The following CADPS variants were observed in gnomAD, a reference collection of about 807,000 sequenced individuals.
CADPS encodes calcium-dependent secretion activator 1.
Under a neutral mutation model 167.3 loss-of-function variants are expected in CADPS, and 57 were observed. The ratio of observed to expected loss-of-function variants is 0.34; its 90% confidence interval spans 0.28 to 0.42. The LOEUF is 0.42. Among genes scored for constraint, CADPS ranks in the 20% least tolerant of loss-of-function variants. CADPS has a pLI of 1.00. For synonymous variants in CADPS, 676 were observed against 635.3 expected (o/e 1.06, Z -0.96); for missense variants, 1,414 against 1,738.1 (o/e 0.81, Z 3.32).
rs538502064 is a variant in CADPS at position 62,865,274 on chromosome 3, A to G, written c.441+9315T>C. ...CCTTTGCTTTCTTAAGAGGCATAGT[A>G]GATTCTCTGGACCACTTGGCATGTT... On this transcript the variant is annotated intron_variant, in intron 1 of 29. Coordinates refer to ENST00000383710, the MANE Select transcript of CADPS (RefSeq NM_003716.4). 4.0e-5 allele frequency among the ~76,000 whole-genome samples: 6 copies of G among 151,846 alleles called. No individual in the cohort carries two copies. The East Asian group carries it at 1.2e-3, about 30-fold the overall frequency.
intron 4 of CADPS, among the ~76,000 whole-genome samples, chr3:62,661,422 G>A (rs1213299950): frequency 1.3e-5 from 2 of 152,120 alleles, no homozygotes; most frequent in Admixed American, 6.6e-5. Context: ...GACACCAGTG[G>A]GTATAAAGAC....
At chr3:62,491,909 A>C (rs1438790495) in intron 20 of CADPS, among the ~76,000 whole-genome samples, 1 of 152,146 alleles carries the variant, frequency 6.6e-6, no homozygotes, top group East Asian at 1.9e-4. Flanking sequence ...TTGTCACTAT[A>C]ACATACTCTG....
Position 62,585,367 on chromosome 3 carries a change from A to G in CADPS, c.1438-43T>C, listed in dbSNP as rs757880750. On this transcript the variant is annotated intron_variant, in intron 7 of 29. Transcript: ENST00000383710. The stretch of plus-strand genomic sequence containing the variant: ...CAAGCAACTAGAAAAGAGAAGCACC[A>G]TTATGTTTTTATAGATTAGAAACTT... The G allele has an allele frequency of 3.2e-6, 5 of 1,577,420 alleles. No individual in the cohort carries two copies. The South Asian group carries it at 3.5e-5, about 11-fold the overall frequency.
chr3:62,874,642 C>T lies in CADPS; in HGVS notation c.388G>A (p.Ala130Thr), dbSNP rs867074864. The T allele has an allele frequency of 1.3e-6, 2 of 1,560,004 alleles. No individual in the cohort carries two copies. The highest frequency in any genetic ancestry group is 1.7e-6 in the Non-Finnish European group (2 of 1,151,298). ...QLYVFVMRCIAYPFNAKQPTD... is the reference protein window; with the variant it reads ...QLYVFVMRCITYPFNAKQPTD... The stretch of plus-strand genomic sequence containing the variant: ...GGCTGCTTGGCATTAAAGGGGTAGG[C>T]GATGCAGCGCATCACGAACACATAC... Residue 130 changes from alanine (A) to threonine (T), a missense_variant, in exon 1 of 30, where the codon GCC becomes ACC. Around this residue, in one of 6 missense-constraint regions of CADPS, gnomAD observed 522 missense variants for 559.5 expected, o/e 0.93. Transcript: ENST00000383710. The surrounding 1 kb of genome is among the most constrained non-coding windows in gnomAD (Gnocchi z 7.1).
At chr3:62,748,894 G>C (rs1301851532) in intron 3 of CADPS, among the ~76,000 whole-genome samples, 1 of 152,058 alleles carries the variant, frequency 6.6e-6, no homozygotes. Context: ...TTCTTGTAGA[G>C]ATGGAGCCTA....
rs554570876 is a variant in CADPS, at chr3:62,621,005, A to G, written c.1325+24717T>C. 1.1e-4 allele frequency among the ~76,000 whole-genome samples: 17 copies of G among 152,276 alleles called. No individual in the cohort carries two copies. In the East Asian group the frequency reaches 1.5e-3, roughly 14 times the overall value. ...TGTGTAATGCTCTGGCAGTCATTTC[A>G]TCTGTAAAGTGAGAAGGTTGGACAG... On this transcript the variant is annotated intron_variant, in intron 6 of 29. Coordinates refer to ENST00000383710, the MANE Select transcript of CADPS (RefSeq NM_003716.4).
At chr3:62,823,732 A>C (rs1485608176) in intron 1 of CADPS, among the ~76,000 whole-genome samples, 2 of 152,208 alleles carry the variant, frequency 1.3e-5, no homozygotes. Flanking sequence ...ATTCCGGTGC[A>C]CTGAATGAGG....
At chr3:62,766,658 C>T (rs188366917) in intron 1 of CADPS, among the ~76,000 whole-genome samples, 16 of 152,106 alleles carry the variant, frequency 1.1e-4, no homozygotes, top group Non-Finnish European at 2.2e-4. Context: ...AATTTGGGTA[C>T]TAGGTTATGT....
In CADPS at chr3:62,826,807, A is replaced by T. The variant is rs371458716; in HGVS notation, c.441+47782T>A. ...GCACCCATCCTTAGGTTTGGTTGCT[A>T]GGTAACATGGTCACTCTGCTATTTA... On this transcript the variant is annotated intron_variant, in intron 1 of 29. Coordinates refer to ENST00000383710, the MANE Select transcript of CADPS (RefSeq NM_003716.4). Among the ~76,000 whole-genome samples the T allele has an allele frequency of 3.9e-5, 6 of 152,262 alleles. No individual in the cohort carries two copies. In the East Asian group the frequency reaches 5.8e-4, roughly 15 times the overall value.
At chr3:62,658,587 C>T (rs1223739651) in intron 4 of CADPS, among the ~76,000 whole-genome samples, 1 of 152,052 alleles carries the variant, frequency 6.6e-6, no homozygotes, top group African/African-American at 2.4e-5. Flanking sequence ...GGGTTAGATT[C>T]TCAGATGTAA....
At chr3:62,425,736 G>A (rs1195626184) in intron 28 of CADPS, among the ~76,000 whole-genome samples, 1 of 152,210 alleles carries the variant, frequency 6.6e-6, no homozygotes. Context: ...AGTGAATAGT[G>A]TAATTTCTGA....
chr3:62,474,026 AAC>A (rs1226477358), intron 24 of CADPS, 145 bp downstream of exon 24: 1 of 559,148 alleles, frequency 1.8e-6, no homozygotes, highest in African/African-American at 1.9e-5. Context: ...ACAGATACTG[AAC>A]ACTCATCCAT....
chr3:62,853,951 G>C (rs1046674734), intron 1 of CADPS, among the ~76,000 whole-genome samples: 8 of 152,052 alleles, frequency 5.3e-5, no homozygotes, highest in African/African-American at 1.9e-4. Flanking sequence ...CAGTAAGCCT[G>C]TCACATTAAA....
intron 1 of CADPS, among the ~76,000 whole-genome samples, chr3:62,854,020 TC>T (rs1166846080): frequency 6.6e-6 from 1 of 152,138 alleles, no homozygotes; most frequent in Non-Finnish European, 1.5e-5. Flanking sequence ...TTGAATTCTC[TC>T]ATGTTGGTGT....
intron 5 of CADPS, 80 bp from the exon 6 acceptor site, chr3:62,645,923 A>T (rs958523322): frequency 1.6e-5 from 24 of 1,543,762 alleles, no homozygotes; most frequent in Non-Finnish European, 2.0e-5. Context: ...CACAAATGAG[A>T]AGCTACAGAG....
chr3:62,590,918 G>A (rs1182440325), intron 7 of CADPS, among the ~76,000 whole-genome samples: 3 of 152,004 alleles, frequency 2.0e-5, no homozygotes, highest in Admixed American at 6.5e-5. Flanking sequence ...GCAATGGAGC[G>A]ATCTTGGCTC....
chr3:62,526,807 T>C (rs893933223), intron 13 of CADPS, among the ~76,000 whole-genome samples: 2 of 152,172 alleles, frequency 1.3e-5, no homozygotes, highest in Non-Finnish European at 1.5e-5. Flanking sequence ...AACTTTGCTA[T>C]ATATTTAAAT....
At chr3:62,576,788 T>TAAAAAAAAAAAAAAAAAAAAAA (rs138055445) in intron 8 of CADPS, among the ~76,000 whole-genome samples, 2 of 29,868 alleles carry the variant, frequency 6.7e-5, no homozygotes, top group East Asian at 2.5e-3. Flanking sequence ...AGACTCTGTC[T>TAAAAAAAAAAAAAAAAAAAAAA]AAAAAAAAAA....
chr3:62,719,176 C>T (rs2075266569), intron 3 of CADPS, among the ~76,000 whole-genome samples: 1 of 152,184 alleles, frequency 6.6e-6, no homozygotes, highest in Admixed American at 6.5e-5. Flanking sequence ...TGGCCTAGCC[C>T]CTGCCTGCCT....
Sources: gnomAD v4.1 joint callset for allele counts (sites outside exome capture counted in the v4.1 genomes callset) on GRCh38, gnomAD v4.1.1 for gene constraint, gnomAD v4.1.1 regional missense constraint, Gnocchi (gnomAD v3.1) non-coding constraint, MANE v1.5 for transcripts, NCBI Gene and HGNC (gene_info 2026-07-23, HGNC 2026-07-21) for gene names.